MCFD2: variants seen among roughly 807,000 people sequenced by gnomAD.
MCFD2 encodes the protein multiple coagulation factor deficiency protein 2.
In MCFD2, 11 loss-of-function variants were observed where a neutral mutation model predicts 12.8. That is an observed-to-expected ratio of 0.86 (90% CI 0.54 to 1.42). MCFD2 has a LOEUF of 1.42. Ranked by LOEUF, MCFD2 falls within the 40% of genes most tolerant of loss-of-function variation. MCFD2 has a pLI of 0.00. For synonymous variants in MCFD2, 70 were observed against 68.1 expected, an observed-to-expected ratio of 1.03 and a Z score of -0.14; for missense variants, 191 against 178.6, an observed-to-expected ratio of 1.07 and a Z score of -0.40.
In MCFD2 at chr2:46,937,675, T is replaced by G. The variant is rs933110572; in HGVS notation, c.-8+3897A>C. Among the ~76,000 whole-genome samples the G allele has an allele frequency of 3.3e-5, 5 of 152,176 alleles. No homozygotes were observed. Among genetic ancestry groups the G allele is most frequent in the Non-Finnish European group, 7.3e-5 (5 of 68,044 alleles). The stretch of plus-strand genomic sequence containing the variant: ...CTGGTCTTGAATTCCTGGACTCAAG[T>G]GATTCTCCCACCTCCTTCTCCCAAA... On this transcript the variant is annotated intron_variant, in intron 1 of 2. Coordinates refer to the MCFD2 transcript ENST00000409147. This position sits in a 1 kb window ranked among gnomAD's most constrained non-coding sequence, Gnocchi z 4.0.
intron 3 of MCFD2, among the ~76,000 whole-genome samples, chr2:46,906,533 T>C (rs987138048): frequency 7.1e-6 from 1 of 141,232 alleles, no homozygotes; most frequent in Admixed American, 7.4e-5. Flanking sequence ...TCACCCAGGC[T>C]GGAGTCCAGT....
In MCFD2 at chr2:46,941,342, G is replaced by GGCGGTGCGCTGGGA; in HGVS notation, c.-8+216_-8+229dup. The GGCGGTGCGCTGGGA allele has an allele frequency of 3.6e-6, 1 of 276,310 alleles. No individual in the cohort carries two copies. Among genetic ancestry groups the GGCGGTGCGCTGGGA allele is most frequent in the Non-Finnish European group, 6.0e-6 (1 of 167,460 alleles). The allele number at this position is 276,310 out of a possible 1,614,324, so 17.1% of individuals were successfully genotyped here. On this transcript the variant is annotated intron_variant, in intron 1 of 2. Transcript: ENST00000409147. This position sits in a 1 kb window ranked among gnomAD's most constrained non-coding sequence, Gnocchi z 4.2. Reference sequence around the variant, plus strand: ...CCGGAGCCGCAGCCCGGAGGCGCCGGGCGGTGCGCTGGGAGCTGCTGGTGC... The same window carrying GGCGGTGCGCTGGGA: ...CCGGAGCCGCAGCCCGGAGGCGCCGGGCGGTGCGCTGGGAGCGGTGCGCTGGGAGCTGCTGGTGC...
chr2:46,920,649 GA>G (rs10713433), upstream of MCFD2, among the ~76,000 whole-genome samples: 29,833 of 136,118 alleles, frequency 0.22, 3,583 homozygotes, highest in African/African-American at 0.35. Context: ...AGGCTTTTTT[GA>G]AAAAAAAAAA....
At chr2:46,906,230 C>G (rs1668227452) in intron 3 of MCFD2, among the ~76,000 whole-genome samples, 1 of 152,136 alleles carries the variant, frequency 6.6e-6, no homozygotes, top group African/African-American at 2.4e-5. Flanking sequence ...CTGCTGACCC[C>G]TAATTCCTCC....
chr2:46,938,820 T>C (rs913888034), intron 1 of MCFD2, among the ~76,000 whole-genome samples: 6 of 151,912 alleles, frequency 3.9e-5, no homozygotes, highest in African/African-American at 1.5e-4. Flanking sequence ...GAGACCAGCC[T>C]GGCCAACATA....
chr2:46,907,584 GACAGGGTCTC>G lies in MCFD2; in HGVS notation c.309+216_309+225del. 3.5e-6 allele frequency: 2 copies of G among 564,236 alleles called. No individual in the cohort carries two copies. The allele number at this position is 564,236 out of a possible 1,614,324, so 35.0% of individuals were successfully genotyped here. A position where few individuals can be genotyped will look rare whatever the true frequency, so the allele number is the denominator to read the frequency against. ...ATTTTTGTTTTGTTTGTTTTGTAGAGACAGGGTCTCACTATATTGCCAAGGCTGGTCTTGA... is the reference window on the plus strand; with the variant it reads ...ATTTTTGTTTTGTTTGTTTTGTAGAGACTATATTGCCAAGGCTGGTCTTGA... On this transcript the variant is annotated intron_variant, in intron 3 of 3. Transcript: ENST00000319466. The surrounding 1 kb of genome is among the most constrained non-coding windows in gnomAD (Gnocchi z 4.1).
Position 46,909,032 on chromosome 2 carries a change from T to A in MCFD2, c.140A>T (p.His47Leu). The change falls in exon 2 of 4, where the codon CAC becomes CTC. Residue 47 changes from histidine (H) to leucine (L), a missense_variant. Physicochemically the swap from His to Leu is moderately conservative, Grantham distance 99. Transcript: ENST00000319466. ...CGGGCTGAATACGTACTCTTGGTCGTGCACTGTGTTCTTATCCAGGCCCAT... is the reference window on the plus strand; with the variant it reads ...CGGGCTGAATACGTACTCTTGGTCGAGCACTGTGTTCTTATCCAGGCCCAT... ...GSMGLDKNTV[H>L]DQEHIMEHLE... is the part of the protein sequence containing the mutation. 6.2e-7 allele frequency: 1 copy of A among 1,614,186 alleles called. No individual in the cohort carries two copies. Among genetic ancestry groups the A allele is most frequent in the South Asian group, 1.1e-5 (1 of 91,076 alleles).
At chr2:46,925,648 C>T (rs564943659) in intron 1 of MCFD2, among the ~76,000 whole-genome samples, 1 of 152,296 alleles carries the variant, frequency 6.6e-6, no homozygotes, top group Non-Finnish European at 1.5e-5. Context: ...AGGCAATTCA[C>T]AAACCAGTTC....
intron 1 of MCFD2, among the ~76,000 whole-genome samples, chr2:46,921,829 G>C (rs1417957429): frequency 2.0e-5 from 3 of 152,120 alleles, no homozygotes; most frequent in African/African-American, 4.8e-5. Context: ...TTCACAGTAG[G>C]GTTCGCGTTC....
At chr2:46,918,533 C>A (rs1490494472), upstream of MCFD2, among the ~76,000 whole-genome samples, 1 of 152,174 alleles carries the variant, frequency 6.6e-6, no homozygotes, top group African/African-American at 2.4e-5. Flanking sequence ...TGAACCCATT[C>A]CTAACAGGCA....
chr2:46,932,738 T>C (rs1669773773), intron 1 of MCFD2, among the ~76,000 whole-genome samples: 1 of 151,594 alleles, frequency 6.6e-6, no homozygotes, highest in African/African-American at 2.4e-5. Flanking sequence ...CCATCTCTGC[T>C]AAAGATACAA....
At position 46,903,300 on chromosome 2, in the gene MCFD2, T is replaced by C. The variant is rs140937815; in HGVS notation, c.*2163A>G. ...ACTTTAAGTCCAATTAAACCACTTT[T>C]TCTTCCCAGTCTCGGGTATGTCTTT... On this transcript the variant is annotated 3_prime_UTR_variant, in exon 4 of 4. Transcript: ENST00000319466. 2,931 of 156,230 alleles carry C rather than the reference T, an allele frequency of 0.019. 104 individuals are homozygous for C. Among genetic ancestry groups the C allele is most frequent in the African/African-American group, 0.065 (2,717 of 41,628 alleles). 9.7% of individuals were successfully genotyped at this position (156,230 alleles called of 1,614,324 possible).
chr2:46,924,519 G>A (rs1572638748), intron 1 of MCFD2, among the ~76,000 whole-genome samples: 1 of 152,058 alleles, frequency 6.6e-6, no homozygotes, highest in East Asian at 1.9e-4. Context: ...AATATATTGA[G>A]TATGAGTGTT....
intron 1 of MCFD2, among the ~76,000 whole-genome samples, chr2:46,925,092 T>C (rs532276398): frequency 5.9e-5 from 9 of 152,380 alleles, no homozygotes; most frequent in African/African-American, 2.2e-4. Context: ...CAGATCTGTT[T>C]GTTGCACTGC....
At position 46,909,127 on chromosome 2, in the gene MCFD2, C is replaced by A; in HGVS notation, c.45G>T (p.Leu15=). Residue 15 remains leucine, a synonymous_variant, in exon 2 of 4, where the codon CTG becomes CTT. Coordinates refer to ENST00000319466, the MANE Select transcript of MCFD2 (RefSeq NM_139279.6). ...CGCCTGGGGCACAAAAGGCCCAGAG[C>A]AGGCCACACAGGAAGGGGGTTCTGA... ...SLLRTPFLCG[L]LWAFCAPGAR... 6.2e-7 allele frequency: 1 copy of A among 1,614,210 alleles called. No homozygotes were observed.
chr2:46,928,934 G>A (rs1176602360), intron 1 of MCFD2, among the ~76,000 whole-genome samples: 2 of 152,018 alleles, frequency 1.3e-5, no homozygotes, highest in African/African-American at 4.8e-5. Context: ...AGGCTGAGGT[G>A]GGTGGATTAC....
intron 1 of MCFD2, among the ~76,000 whole-genome samples, chr2:46,933,461 T>G (rs1219569712): frequency 6.6e-6 from 1 of 152,234 alleles, no homozygotes; most frequent in Non-Finnish European, 1.5e-5. Flanking sequence ...TAGGACTTCA[T>G]CTCTTAGCGT....
rs530118181 is a variant in MCFD2, at chr2:46,937,761, G to C, written c.-8+3811C>G. Among the ~76,000 whole-genome samples the C allele has an allele frequency of 6.6e-6, 1 of 152,332 alleles. No homozygotes were observed. The highest frequency in any genetic ancestry group is 2.1e-4 in the South Asian group (1 of 4,824). ...CCCAACAGTGATTTCAAAGGCCATG[G>C]ATTGCATAGGAAGCTGAAGGGGTTT... On this transcript the variant is annotated intron_variant, in intron 1 of 2. Transcript: ENST00000409147. The surrounding 1 kb of genome is among the most constrained non-coding windows in gnomAD (Gnocchi z 4.0).
chr2:46,923,091 G>A (rs1466298658), intron 1 of MCFD2, among the ~76,000 whole-genome samples: 1 of 152,210 alleles, frequency 6.6e-6, no homozygotes, highest in African/African-American at 2.4e-5. Context: ...CCATGGAGTT[G>A]GAGTGCACCA....
Sources: gnomAD v4.1 joint callset for allele counts (sites outside exome capture counted in the v4.1 genomes callset) on GRCh38, gnomAD v4.1.1 for gene constraint, Gnocchi (gnomAD v3.1) non-coding constraint, MANE v1.5 for transcripts, NCBI Gene and HGNC (gene_info 2026-07-23, HGNC 2026-07-21) for gene names.